GNAI1: variants seen among roughly 807,000 people sequenced by gnomAD.
The protein encoded by GNAI1 is guanine nucleotide-binding protein G(i) subunit alpha-1.
A neutral mutation model predicts 38.9 loss-of-function variants in GNAI1; 11 were observed. The observed-to-expected ratio is 0.28, with a 90% CI of 0.18 to 0.47. GNAI1 has a LOEUF of 0.47. Among genes scored for constraint, GNAI1 ranks in the 20% least tolerant of loss-of-function variants. The probability of loss-of-function intolerance (pLI) is 0.99; values close to 1 mark genes in which losing one functional copy is unlikely to be tolerated. For missense variants in GNAI1, 317 were observed against 436.9 expected, an observed-to-expected ratio of 0.73 and a Z score of 2.45; for synonymous variants, 166 against 145.1, an observed-to-expected ratio of 1.14 and a Z score of -1.04.
At chr7:80,196,690 A>C (rs933986159) in intron 3 of GNAI1, among the ~76,000 whole-genome samples, 1 of 151,924 alleles carries the variant, frequency 6.6e-6, no homozygotes. Context: ...TAATTTCAGC[A>C]GTGTTTTCCT....
chr7:80,214,495 C>T (rs1279762034), intron 7 of GNAI1, among the ~76,000 whole-genome samples: 1 of 152,136 alleles, frequency 6.6e-6, no homozygotes, highest in East Asian at 1.9e-4. Context: ...CTTTCCTTGC[C>T]AAGTAGACAG....
At chr7:80,180,451 TGCA>T (rs1788273549) in intron 1 of GNAI1, among the ~76,000 whole-genome samples, 2 of 152,134 alleles carry the variant, frequency 1.3e-5, no homozygotes, top group African/African-American at 4.8e-5. Context: ...ATACCTCTTC[TGCA>T]AAGGGCTGTA....
chr7:80,182,023 TC>T, intron 1 of GNAI1, among the ~76,000 whole-genome samples: 1 of 152,006 alleles, frequency 6.6e-6, no homozygotes, highest in African/African-American at 2.4e-5. Context: ...GACCCACATC[TC>T]CCTCCCTCCC....
Position 80,222,541 on chromosome 7 carries a change from C to G in GNAI1, c.*5048C>G, listed in dbSNP as rs1789098652. 6.6e-6 allele frequency among the ~76,000 whole-genome samples: 1 copy of G among 151,954 alleles called. No homozygotes were observed. Among genetic ancestry groups the G allele is most frequent in the African/African-American group, 2.4e-5 (1 of 41,364 alleles). ...TAGCTGGGATTACAGGCATGCGACA[C>G]TACACCCAACTAATCTTGTATTTTT... On this transcript the variant is annotated 3_prime_UTR_variant, in exon 8 of 8. Transcript: ENST00000649796.
intron 1 of GNAI1, among the ~76,000 whole-genome samples, chr7:80,179,591 A>T (rs1009149442): frequency 1.3e-5 from 2 of 152,166 alleles, no homozygotes; most frequent in African/African-American, 4.8e-5. Flanking sequence ...AATTAAGCAG[A>T]ACAGTTTGTC....
chr7:80,143,728 A>G (rs944476978), intron 1 of GNAI1, among the ~76,000 whole-genome samples: 14 of 152,148 alleles, frequency 9.2e-5, no homozygotes, highest in African/African-American at 3.1e-4. Context: ...GGCTAGTGAC[A>G]AAGTAAGCTA....
chr7:80,213,611 A>T (rs1028616395), intron 7 of GNAI1, among the ~76,000 whole-genome samples: 21 of 152,238 alleles, frequency 1.4e-4, no homozygotes, highest in African/African-American at 4.8e-4. Context: ...CGGAAATGGG[A>T]GAGGGAACAG....
At chr7:80,193,347 T>G (rs1301696743) in intron 3 of GNAI1, among the ~76,000 whole-genome samples, 1 of 152,188 alleles carries the variant, frequency 6.6e-6, no homozygotes, top group African/African-American at 2.4e-5. Context: ...TGACTAATTT[T>G]CTGTGGTTTG....
Position 80,189,226 on chromosome 7 carries a change from C to G in GNAI1, c.298C>G (p.Arg100Gly). Residue 100 changes from arginine (R) to glycine (G), a missense_variant, in exon 3 of 8, where the codon CGG becomes GGG. Physicochemically the swap from Arg to Gly is moderately radical, Grantham distance 125 (BLOSUM62 -2). Transcript: ENST00000649796. ...GAAGATAGACTTTGGTGACTCAGCC[C>G]GGGCGGTAAGTTATTAAATTTGTTG... ...RLKIDFGDSA[R>G]ADDARQLFVL... 1 of 1,610,480 alleles carries G rather than the reference C, an allele frequency of 6.2e-7. No homozygotes were observed. The highest frequency in any genetic ancestry group is 1.7e-5 in the Admixed American group (1 of 58,960).
At chr7:80,201,545 C>T (rs1788686732) in intron 4 of GNAI1, among the ~76,000 whole-genome samples, 1 of 151,966 alleles carries the variant, frequency 6.6e-6, no homozygotes, top group South Asian at 2.1e-4. Flanking sequence ...ATACTGAGAC[C>T]TTGTCTCTAC....
intron 5 of GNAI1, among the ~76,000 whole-genome samples, chr7:80,209,648 C>T (rs1389024968): frequency 1.3e-5 from 2 of 152,180 alleles, no homozygotes; most frequent in Non-Finnish European, 2.9e-5. Context: ...TTGTTATTGA[C>T]ATCTGTTATT....
chr7:80,211,019 G>C lies in GNAI1; in HGVS notation c.641G>C (p.Cys214Ser). The C allele has an allele frequency of 6.2e-7, 1 of 1,612,736 alleles. No individual in the cohort carries two copies. Among genetic ancestry groups the C allele is most frequent in the Non-Finnish European group, 8.5e-7 (1 of 1,178,770 alleles). Reference sequence around the variant, plus strand: ...TCTGAGCGGAAGAAGTGGATTCATTGCTTCGAAGGAGTGACGGCGATCATC... The same window carrying C: ...TCTGAGCGGAAGAAGTGGATTCATTCCTTCGAAGGAGTGACGGCGATCATC... ...QRSERKKWIH[C>S]FEGVTAIIFC... The change falls in exon 6 of 8, where the codon TGC becomes TCC. Residue 214 changes from cysteine to serine, a missense_variant. Around this residue, in one of 5 missense-constraint regions of GNAI1, gnomAD observed 158 missense variants for 234.7 expected, o/e 0.67. Coordinates refer to ENST00000649796, the MANE Select transcript of GNAI1 (RefSeq NM_002069.6).
rs1221784385 is a variant in GNAI1, at chr7:80,186,072, G to T, written c.119-2879G>T. On this transcript the variant is annotated intron_variant, in intron 1 of 7. Transcript: ENST00000649796. ...TTTTGAGACGGAGTCTCACTCTGTT[G>T]CCCAGGCTGGAGTGCAGCGGCACAA... Among the ~76,000 whole-genome samples the T allele has an allele frequency of 5.5e-5, 7 of 126,202 alleles. No individual in the cohort carries two copies. The East Asian group carries it at 1.1e-3, about 20-fold the overall frequency. The allele number at this position is 126,202 out of a possible 152,430, so 82.8% of individuals were successfully genotyped here.
At chr7:80,144,165 T>G (rs1021227710) in intron 1 of GNAI1, among the ~76,000 whole-genome samples, 2 of 152,116 alleles carry the variant, frequency 1.3e-5, no homozygotes, top group East Asian at 1.9e-4. Flanking sequence ...ACAAATGTTA[T>G]AGCAGTAATT....
chr7:80,189,337 A>G (rs1584037984), intron 3 of GNAI1, 106 bp downstream of exon 3: 2 of 982,534 alleles, frequency 2.0e-6, no homozygotes, highest in East Asian at 2.5e-5. Flanking sequence ...GGACCATTTC[A>G]TAAAAGGAAC....
At chr7:80,162,850 C>T (rs1371512580) in intron 1 of GNAI1, among the ~76,000 whole-genome samples, 1 of 152,164 alleles carries the variant, frequency 6.6e-6, no homozygotes, top group Non-Finnish European at 1.5e-5. Flanking sequence ...AGGTGGCCTT[C>T]AGTGAAGAGA....
intron 1 of GNAI1, among the ~76,000 whole-genome samples, chr7:80,146,976 A>G (rs1171117944): frequency 1.3e-5 from 2 of 152,172 alleles, no homozygotes; most frequent in African/African-American, 4.8e-5. Flanking sequence ...TTAGTAGTGC[A>G]TTTTGAGAGA....
chr7:80,217,418 G>A lies in GNAI1; in HGVS notation c.990G>A (p.Lys330=). The A allele has an allele frequency of 1.2e-6, 2 of 1,609,256 alleles. No homozygotes were observed. Among genetic ancestry groups the A allele is most frequent in the Non-Finnish European group, 1.7e-6 (2 of 1,176,456 alleles). ...YTHFTCATDT[K]NVQFVFDAVT... is the part of the protein sequence containing the mutation. ...ACTTCACATGTGCCACAGATACTAA[G>A]AATGTGCAGTTTGTTTTTGATGCTG... The change falls in exon 8 of 8, where the codon AAG becomes AAA. Residue 330 remains lysine (K), a synonymous_variant. Transcript: ENST00000649796.
At chr7:80,187,674 A>G (rs2115627264) in intron 1 of GNAI1, among the ~76,000 whole-genome samples, 1 of 152,262 alleles carries the variant, frequency 6.6e-6, no homozygotes, top group South Asian at 2.1e-4. Flanking sequence ...AAATGAAAAT[A>G]TAGTGAAAAT....
Sources: allele counts gnomAD v4.1 joint callset (sites outside exome capture counted in the v4.1 genomes callset), GRCh38; gene constraint gnomAD v4.1.1; regional missense constraint gnomAD v4.1.1; transcripts MANE v1.5; gene names NCBI Gene and HGNC (gene_info 2026-07-23, HGNC 2026-07-21).